Variants in FSD1L observed in about 807,000 individuals in gnomAD.
The protein encoded by FSD1L is FSD1-like protein.
Under a neutral mutation model 71.6 loss-of-function variants are expected in FSD1L, and 45 were observed. That is an observed-to-expected ratio of 0.63 (90% CI 0.49 to 0.81). The LOEUF (loss-of-function observed/expected upper bound fraction) is 0.81. FSD1L is among the 30% of genes least tolerant of loss of function. The pLI, the probability that FSD1L is intolerant of heterozygous loss-of-function variation, is 0.00. For missense variants in FSD1L, 561 were observed against 618.1 expected, an observed-to-expected ratio of 0.91 and a Z score of 0.98; for synonymous variants, 197 against 207.2, an observed-to-expected ratio of 0.95 and a Z score of 0.42.
chr9:105,446,979 T>G (rs1829670150), upstream of FSD1L, among the ~76,000 whole-genome samples: 1 of 152,122 alleles, frequency 6.6e-6, no homozygotes, highest in Admixed American at 6.5e-5. Flanking sequence ...AAATCTTCAT[T>G]GATGCCTCAG....
At chr9:105,480,560 G>A (rs7023520) in intron 6 of FSD1L, among the ~76,000 whole-genome samples, 19,398 of 152,192 alleles carry the variant, frequency 0.13, 1,617 homozygotes, top group East Asian at 0.46. Flanking sequence ...CCAAAGTGCT[G>A]GGATTACAGG....
At chr9:105,523,014 G>A in intron 10 of FSD1L, 2 of 1,614,058 alleles carry the variant, frequency 1.2e-6, no homozygotes, top group Non-Finnish European at 8.5e-7. Context: ...CCAATATGAT[G>A]GCCAAAAATT....
chr9:105,538,666 G>T (rs1836417583), intron 12 of FSD1L, among the ~76,000 whole-genome samples: 1 of 152,172 alleles, frequency 6.6e-6, no homozygotes, highest in African/African-American at 2.4e-5. Flanking sequence ...GTCAGGCATA[G>T]TGGCTCATGC....
At chr9:105,523,658 C>T in intron 10 of FSD1L, 1 of 1,603,532 alleles carries the variant, frequency 6.2e-7, no homozygotes, top group Non-Finnish European at 8.5e-7. Context: ...TTAAGGCAAC[C>T]ATGTTGACTG....
At chr9:105,477,426 C>T (rs996650506) in intron 5 of FSD1L, among the ~76,000 whole-genome samples, 2 of 152,118 alleles carry the variant, frequency 1.3e-5, no homozygotes, top group African/African-American at 4.8e-5. Context: ...AGGTGATGGG[C>T]AGGGGGAGCC....
intron 9 of FSD1L, among the ~76,000 whole-genome samples, chr9:105,510,060 T>G (rs1379765927): frequency 6.6e-6 from 1 of 152,226 alleles, no homozygotes; most frequent in East Asian, 1.9e-4. Context: ...GAATTATAAT[T>G]TCTATGCAAA....
At chr9:105,520,200 C>G (rs1463910706) in intron 10 of FSD1L, 116 of 1,611,410 alleles carry the variant, frequency 7.2e-5, no homozygotes, top group Non-Finnish European at 9.8e-5. Flanking sequence ...GAAGGACGCA[C>G]TGACTCGCCT....
Position 105,491,528 on chromosome 9 carries a change from A to G in FSD1L, c.586+7026A>G, listed in dbSNP as rs1385060702. Among the ~76,000 whole-genome samples, 3 of 152,250 alleles carry G rather than the reference A, an allele frequency of 2.0e-5. No homozygotes were observed. The East Asian group carries it at 5.8e-4, about 29-fold the overall frequency. Reference sequence around the variant, plus strand: ...CCAATTGCCCTGATCAGAACTTCCAACACTATGTTGAATAGGAGTGGTGAG... The same window carrying G: ...CCAATTGCCCTGATCAGAACTTCCAGCACTATGTTGAATAGGAGTGGTGAG... On this transcript the variant is annotated intron_variant, in intron 7 of 13. Transcript: ENST00000481272.
chr9:105,533,398 G>T (rs1489070618), intron 10 of FSD1L, among the ~76,000 whole-genome samples: 1 of 74,160 alleles, frequency 1.3e-5, no homozygotes, highest in Non-Finnish European at 2.9e-5. Context: ...CAAGGATTTG[G>T]ATAATTGCCA....
Position 105,475,183 on chromosome 9 carries a change from A to G in FSD1L, c.441+3178A>G, listed in dbSNP as rs532817034. Among the ~76,000 whole-genome samples, 21 of 152,304 alleles carry G rather than the reference A, an allele frequency of 1.4e-4. 1 individual carries two copies. In the South Asian group the frequency reaches 4.1e-3, roughly 30 times the overall value. Reference sequence around the variant, plus strand: ...TAGAAAGAGCTGGGTCAGTGGAACAATTTCCAAGTCAGTGTAACTAAATTG... The same window carrying G: ...TAGAAAGAGCTGGGTCAGTGGAACAGTTTCCAAGTCAGTGTAACTAAATTG... On this transcript the variant is annotated intron_variant, in intron 5 of 13. Coordinates refer to ENST00000481272, the MANE Select transcript of FSD1L (RefSeq NM_001145313.3).
chr9:105,514,400 T>C (rs998684808), intron 10 of FSD1L, among the ~76,000 whole-genome samples: 2 of 152,254 alleles, frequency 1.3e-5, no homozygotes, highest in African/African-American at 4.8e-5. Flanking sequence ...TGCATTTATA[T>C]ATTCTTTCCA....
intron 10 of FSD1L, among the ~76,000 whole-genome samples, chr9:105,534,190 T>C (rs778245511): frequency 3.3e-5 from 5 of 152,238 alleles, no homozygotes; most frequent in Non-Finnish European, 7.3e-5. Context: ...TTTTTTTCTT[T>C]AGTAAATCTT....
intron 10 of FSD1L, among the ~76,000 whole-genome samples, chr9:105,533,601 T>C (rs576015978): frequency 6.7e-6 from 1 of 149,288 alleles, no homozygotes; most frequent in East Asian, 2.0e-4. Context: ...TTTTGTATTT[T>C]TAGTAGAAAC....
chr9:105,510,239 A>G (rs1009396732), intron 9 of FSD1L, among the ~76,000 whole-genome samples: 29 of 152,212 alleles, frequency 1.9e-4, no homozygotes, highest in Non-Finnish European at 4.0e-4. Context: ...ACTGTTGAGT[A>G]AACCCTCTGC....
chr9:105,502,448 T>A (rs1319407230), intron 7 of FSD1L, among the ~76,000 whole-genome samples: 1 of 152,214 alleles, frequency 6.6e-6, no homozygotes, highest in African/African-American at 2.4e-5. Context: ...TTATAGCAGT[T>A]GAGGCTTTAA....
chr9:105,532,713 T>A (rs1222348980), intron 10 of FSD1L, among the ~76,000 whole-genome samples: 1 of 152,206 alleles, frequency 6.6e-6, no homozygotes, highest in Non-Finnish European at 1.5e-5. Flanking sequence ...TATAGTCAGT[T>A]TTTAGTTGTC....
chr9:105,445,329 A>T (rs2131540067), upstream of FSD1L, among the ~76,000 whole-genome samples: 1 of 152,232 alleles, frequency 6.6e-6, no homozygotes, highest in South Asian at 2.1e-4. Context: ...TGGGGTAGAG[A>T]TGTTGTCAAA....
intron 7 of FSD1L, among the ~76,000 whole-genome samples, chr9:105,493,149 G>T (rs887683649): frequency 1.8e-4 from 27 of 152,230 alleles, no homozygotes; most frequent in African/African-American, 5.8e-4. Context: ...CTCTTTGTAG[G>T]TCACTCAGGA....
At chr9:105,511,853 T>C (rs1349404845) in intron 9 of FSD1L, among the ~76,000 whole-genome samples, 6 of 152,088 alleles carry the variant, frequency 3.9e-5, no homozygotes, top group Non-Finnish European at 8.8e-5. Flanking sequence ...CTAAATTAAG[T>C]AATATCCATA....
Sources: gnomAD v4.1 joint callset for allele counts (sites outside exome capture counted in the v4.1 genomes callset) on GRCh38, gnomAD v4.1.1 for gene constraint, MANE v1.5 for transcripts, NCBI Gene and HGNC (gene_info 2026-07-23, HGNC 2026-07-21) for gene names.